Variants in STIM1 observed in about 807,000 individuals in gnomAD.
STIM1 encodes stromal interaction molecule 1.
In STIM1, 25 loss-of-function variants were observed where a neutral mutation model predicts 74.7. The observed-to-expected ratio is 0.33, with a 90% CI of 0.24 to 0.47. The LOEUF is 0.47. STIM1 is among the 20% of genes least tolerant of loss of function. The pLI, the probability that STIM1 is intolerant of heterozygous loss-of-function variation, is 1.00. For synonymous variants in STIM1, 328 were observed against 348.8 expected (o/e 0.94, Z 0.66); for missense variants, 728 against 920.8 (o/e 0.79, Z 2.71).
chr11:3,976,339 A>G (rs2093448351), intron 2 of STIM1, among the ~76,000 whole-genome samples: 1 of 152,186 alleles, frequency 6.6e-6, no homozygotes, highest in Admixed American at 6.5e-5. Flanking sequence ...AGGCAAAACT[A>G]TAGGGATGGA....
At chr11:3,950,958 C>T (rs1160018382) in intron 1 of STIM1, among the ~76,000 whole-genome samples, 2 of 152,152 alleles carry the variant, frequency 1.3e-5, no homozygotes, top group African/African-American at 4.8e-5. Flanking sequence ...ATTGTACTCA[C>T]TGCTTGGTAG....
At chr11:3,952,644 T>C (rs2093163388) in intron 1 of STIM1, among the ~76,000 whole-genome samples, 1 of 152,192 alleles carries the variant, frequency 6.6e-6, no homozygotes, top group Non-Finnish European at 1.5e-5. Flanking sequence ...AAGGGGATCC[T>C]GGAGGCCAGA....
At chr11:3,941,673 T>TATATATATAGAGAGAGAGAGAGAGAG (rs141623520) in intron 1 of STIM1, among the ~76,000 whole-genome samples, 2 of 90,730 alleles carry the variant, frequency 2.2e-5, no homozygotes, top group African/African-American at 7.4e-5. Context: ...TATATATATA[T>TATATATATAGAGAGAGAGAGAGAGAG]AGAGAGAGAG....
intron 1 of STIM1, among the ~76,000 whole-genome samples, chr11:3,915,484 G>A (rs928317992): frequency 1.5e-4 from 22 of 150,640 alleles, no homozygotes; most frequent in Non-Finnish European, 2.1e-4. Flanking sequence ...TGCAAGCTCC[G>A]CCTCCCGGGT....
intron 1 of STIM1, among the ~76,000 whole-genome samples, chr11:3,931,487 T>G (rs901582016): frequency 1.3e-5 from 2 of 152,022 alleles, no homozygotes; most frequent in Non-Finnish European, 2.9e-5. Context: ...GTTTTTTGGG[T>G]CCCATGTGAT....
intron 3 of STIM1, among the ~76,000 whole-genome samples, chr11:4,047,328 G>A (rs976385698): frequency 7.9e-5 from 12 of 151,986 alleles, no homozygotes; most frequent in African/African-American, 2.9e-4. Context: ...ACAAGTAAAA[G>A]AATTTGACCA....
intron 1 of STIM1, among the ~76,000 whole-genome samples, chr11:3,952,549 A>C (rs948820648): frequency 2.6e-5 from 4 of 152,210 alleles, no homozygotes; most frequent in African/African-American, 9.7e-5. Context: ...GGAGTAGTCA[A>C]TGTATAGGAA....
In STIM1 at chr11:4,065,885, A is replaced by G. The variant is rs142516973; in HGVS notation, c.614-4141A>G. Among the ~76,000 whole-genome samples, 285 of 152,328 alleles carry G rather than the reference A, an allele frequency of 1.9e-3. 1 individual carries two copies. Among genetic ancestry groups the G allele is most frequent in the Non-Finnish European group, 3.2e-3 (221 of 68,018 alleles). ...TTTTGGCAGTGAGGGATGAATATCTATATCTGCCAGGGTATTGTGTGAAGT... is the reference window on the plus strand; with the variant it reads ...TTTTGGCAGTGAGGGATGAATATCTGTATCTGCCAGGGTATTGTGTGAAGT... On this transcript the variant is annotated intron_variant, in intron 5 of 12. Transcript: ENST00000526596.
intron 1 of STIM1, among the ~76,000 whole-genome samples, chr11:3,958,499 G>A (rs534199897): frequency 2.0e-5 from 3 of 152,254 alleles, no homozygotes; most frequent in African/African-American, 7.2e-5. Flanking sequence ...ATATGAGGAC[G>A]AGTGGTTCTA....
Position 4,091,440 on chromosome 11 carries a change from C to A in STIM1, c.1793C>A (p.Ser598Tyr), listed in dbSNP as rs201520428. 4 of 1,614,214 alleles carry A rather than the reference C, an allele frequency of 2.5e-6. No homozygotes were observed. Among genetic ancestry groups the A allele is most frequent in the Non-Finnish European group, 3.4e-6 (4 of 1,180,048 alleles). The stretch of plus-strand genomic sequence containing the variant: ...CTGATCGAGGGGGTCCACCCAGGGT[C>A]TCTGGTGGAGAAACTGCCTGACAGC... ...HRLIEGVHPG[S>Y]LVEKLPDSPA... Residue 598 changes from serine (S) to tyrosine (Y), a missense_variant, in exon 13 of 13, where the codon TCT (serine) becomes TAT (tyrosine). Ser to Tyr is a moderately radical substitution (Grantham distance 144). Coordinates refer to ENST00000526596, the MANE Select transcript of STIM1 (RefSeq NM_001382567.1).
At chr11:4,013,061 C>T (rs923260607) in intron 2 of STIM1, among the ~76,000 whole-genome samples, 5 of 152,168 alleles carry the variant, frequency 3.3e-5, no homozygotes, top group African/African-American at 1.2e-4. Flanking sequence ...AGCCTTGCAT[C>T]CCAGGATGAA....
At chr11:3,913,615 C>G (rs779837364) in intron 1 of STIM1, among the ~76,000 whole-genome samples, 15 of 152,160 alleles carry the variant, frequency 9.9e-5, no homozygotes, top group Non-Finnish European at 1.9e-4. Context: ...CCTGAACTCT[C>G]TCATATACTT....
chr11:3,969,485 AACAAAACAAAAC>A (rs1380332155), intron 2 of STIM1, among the ~76,000 whole-genome samples: 13 of 152,176 alleles, frequency 8.5e-5, no homozygotes, highest in Non-Finnish European at 1.8e-4. Context: ...CTGTCTCTAA[AACAAAACAAAAC>A]ACAAAACAAA....
chr11:4,063,381 G>A (rs961401052), intron 5 of STIM1, among the ~76,000 whole-genome samples: 20 of 152,242 alleles, frequency 1.3e-4, no homozygotes, highest in Admixed American at 1.2e-3. Flanking sequence ...TTGAAGGTTT[G>A]TGGCAATCCT....
At chr11:3,995,668 A>G (rs1293854410) in intron 2 of STIM1, among the ~76,000 whole-genome samples, 1 of 152,062 alleles carries the variant, frequency 6.6e-6, no homozygotes, top group African/African-American at 2.4e-5. Context: ...TTTTGGAGAT[A>G]GAGTCCCACT....
At chr11:3,979,774 G>T (rs567283225) in intron 2 of STIM1, among the ~76,000 whole-genome samples, 69 of 152,186 alleles carry the variant, frequency 4.5e-4, no homozygotes, top group African/African-American at 1.3e-3. Context: ...ACCTCCTACC[G>T]CTTCGGTCTG....
At chr11:3,895,358 C>T (rs2092029429) in intron 1 of STIM1, among the ~76,000 whole-genome samples, 1 of 152,180 alleles carries the variant, frequency 6.6e-6, no homozygotes, top group Non-Finnish European at 1.5e-5. Context: ...GGTCTTCTTC[C>T]TTGAGCTTCA....
At chr11:3,986,071 T>G (rs2093555617) in intron 2 of STIM1, among the ~76,000 whole-genome samples, 1 of 152,216 alleles carries the variant, frequency 6.6e-6, no homozygotes, top group Non-Finnish European at 1.5e-5. Flanking sequence ...GTGTGCTATG[T>G]GCTGGATGCT....
intron 3 of STIM1, among the ~76,000 whole-genome samples, chr11:4,024,636 A>G (rs1005400656): frequency 9.9e-5 from 15 of 152,150 alleles, no homozygotes; most frequent in African/African-American, 3.6e-4. Flanking sequence ...CACGGAGTTG[A>G]GCAGGACTGT....
Sources: allele counts gnomAD v4.1 joint callset (sites outside exome capture counted in the v4.1 genomes callset), GRCh38; gene constraint gnomAD v4.1.1; transcripts MANE v1.5; gene names NCBI Gene and HGNC (gene_info 2026-07-23, HGNC 2026-07-21).